The following MGAM2 variants were observed in gnomAD, a reference collection of about 807,000 sequenced individuals.
MGAM2 encodes the protein probable maltase-glucoamylase 2.
MGAM2 carries 98 observed loss-of-function variants against 96.1 expected under a neutral mutation model. That is an observed-to-expected ratio of 1.02 (90% CI 0.87 to 1.21). MGAM2 has a LOEUF of 1.21. Among genes scored for constraint, MGAM2 ranks in the 50% most tolerant of loss-of-function variants. The probability of loss-of-function intolerance (pLI) is 0.00; values close to 1 mark genes in which losing one functional copy is unlikely to be tolerated. For synonymous variants in MGAM2, 749 were observed against 414.8 expected, an observed-to-expected ratio of 1.81 and a Z score of -9.79; for missense variants, 2,055 against 1,182.4, an observed-to-expected ratio of 1.74 and a Z score of -10.82.
chr7:142,160,708 AACT>A (rs1222884092), intron 21 of MGAM2, among the ~76,000 whole-genome samples: 2 of 151,354 alleles, frequency 1.3e-5, no homozygotes, highest in African/African-American at 4.9e-5. Flanking sequence ...TACCTTGGGT[AACT>A]TACTTCTCTG....
At chr7:142,176,970 CT>C (rs1252837879) in intron 32 of MGAM2, among the ~76,000 whole-genome samples, 3 of 152,020 alleles carry the variant, frequency 2.0e-5, no homozygotes, top group African/African-American at 4.8e-5. Flanking sequence ...TTTTTAACAT[CT>C]TATTTATTTG....
At chr7:142,177,111 C>T (rs886667350) in intron 32 of MGAM2, among the ~76,000 whole-genome samples, 52 of 152,128 alleles carry the variant, frequency 3.4e-4, no homozygotes, top group Admixed American at 5.2e-4. Context: ...TCTGTTTTCA[C>T]GCTGCCAATA....
At chr7:142,114,108 G>T (rs796680136) in intron 1 of MGAM2, among the ~76,000 whole-genome samples, 21 of 147,944 alleles carry the variant, frequency 1.4e-4, no homozygotes, top group African/African-American at 5.3e-4. Flanking sequence ...TCCAGCCAGG[G>T]CAACAGAGCG....
chr7:142,170,904 C>T (rs939274626), intron 27 of MGAM2, among the ~76,000 whole-genome samples: 1 of 152,178 alleles, frequency 6.6e-6, no homozygotes, highest in African/African-American at 2.4e-5. Context: ...AGAAGTTGTT[C>T]TAAGAGTTTC....
intron 28 of MGAM2, among the ~76,000 whole-genome samples, chr7:142,171,851 T>C (rs1796206083): frequency 6.6e-6 from 1 of 151,446 alleles, no homozygotes; most frequent in Admixed American, 6.6e-5. Flanking sequence ...GAAATTGTGA[T>C]AGCACAGTGG....
At chr7:142,117,555 G>C (rs1817455591) in intron 2 of MGAM2, among the ~76,000 whole-genome samples, 1 of 152,096 alleles carries the variant, frequency 6.6e-6, no homozygotes, top group Non-Finnish European at 1.5e-5. Flanking sequence ...TTCAGTTAAA[G>C]CTGAATTTGG....
intron 33 of MGAM2, 32 bp from the exon 34 acceptor site, chr7:142,185,045 T>C (rs768641874): frequency 2.1e-5 from 15 of 702,482 alleles, no homozygotes; most frequent in South Asian, 7.4e-5. Flanking sequence ...CAAGGATCTG[T>C]AAAGGTTTTA....
intron 42 of MGAM2, 73 bp downstream of exon 42, chr7:142,197,801 T>G: frequency 1.4e-6 from 1 of 699,472 alleles, no homozygotes; most frequent in Non-Finnish European, 2.6e-6. Context: ...ATTTTAAAGA[T>G]CATCTTATTT....
chr7:142,196,468 C>T (rs891046626), intron 38 of MGAM2, 97 bp from the exon 39 acceptor site: 1 of 696,308 alleles, frequency 1.4e-6, no homozygotes, highest in Non-Finnish European at 2.6e-6. Flanking sequence ...CATCATGGTC[C>T]AGGGCTTTCT....
At chr7:142,133,912 G>A in intron 6 of MGAM2, 69 bp from the exon 7 acceptor site, 1 of 629,584 alleles carries the variant, frequency 1.6e-6, no homozygotes, top group Non-Finnish European at 2.9e-6. Context: ...GTGGAAAGGA[G>A]AAGATAGCTT....
At chr7:142,116,817 T>A (rs1817419730) in intron 1 of MGAM2, 57 bp from the exon 2 acceptor site, 1 of 701,980 alleles carries the variant, frequency 1.4e-6, no homozygotes, top group African/African-American at 1.7e-5. Flanking sequence ...TTATGTATCC[T>A]CTTAGATTGG....
At chr7:142,119,963 T>A (rs1325701482) in intron 2 of MGAM2, among the ~76,000 whole-genome samples, 1 of 152,216 alleles carries the variant, frequency 6.6e-6, no homozygotes, top group Non-Finnish European at 1.5e-5. Context: ...ATGAAATCGT[T>A]CTGGAATTCG....
intron 37 of MGAM2, among the ~76,000 whole-genome samples, chr7:142,193,162 C>T (rs1796925836): frequency 6.6e-6 from 1 of 152,086 alleles, no homozygotes; most frequent in African/African-American, 2.4e-5. Flanking sequence ...TCCCATACAC[C>T]TTGATGTTTC....
At chr7:142,196,518 TCCCAAA>T (rs777902851) in intron 38 of MGAM2, 41 bp from the exon 39 acceptor site, 52 of 707,070 alleles carry the variant, frequency 7.4e-5, no homozygotes, top group Admixed American at 1.8e-4. Context: ...TTCACTCTCC[TCCCAAA>T]GTGCTCCTTC....
chr7:142,220,978 C>A lies in MGAM2; in HGVS notation c.6467C>A (p.Thr2156Asn), dbSNP rs527809104. 5 of 701,940 alleles carry A rather than the reference C, an allele frequency of 7.1e-6. No homozygotes were observed. Among genetic ancestry groups the A allele is most frequent in the Non-Finnish European group, 1.3e-5 (5 of 384,700 alleles). 43.5% of individuals were successfully genotyped at this position (701,940 alleles called of 1,614,324 possible). ...AATACTACTAATGCTAGCACTAGTA[C>A]TAATGTTGCTAATATAACTGCTACC... ...QTNTTNASTSTNVANITATSH... is the reference protein window; with the variant it reads ...QTNTTNASTSNNVANITATSH... Residue 2156 changes from threonine (T) to asparagine (N), a missense_variant, in exon 48 of 48, where the codon ACT becomes AAT. Thr to Asn is a moderately conservative substitution (Grantham distance 65). Transcript: ENST00000477922.
chr7:142,204,082 TTCTC>T (rs1797324057), intron 45 of MGAM2, among the ~76,000 whole-genome samples: 1 of 152,038 alleles, frequency 6.6e-6, no homozygotes, highest in South Asian at 2.1e-4. Flanking sequence ...CTCTGTCTCT[TTCTC>T]TCATCTACTT....
intron 10 of MGAM2, among the ~76,000 whole-genome samples, 169 bp from the exon 11 acceptor site, chr7:142,140,633 T>G (rs1795192121): frequency 6.6e-6 from 1 of 152,176 alleles, no homozygotes; most frequent in Non-Finnish European, 1.5e-5. Flanking sequence ...ACAGCAATCA[T>G]GTCTTTCAAA....
intron 46 of MGAM2, among the ~76,000 whole-genome samples, chr7:142,213,709 A>G (rs889004810): frequency 2.3e-4 from 35 of 152,282 alleles, no homozygotes; most frequent in Admixed American, 5.2e-4. Flanking sequence ...ACAGCCCAGG[A>G]CCAGACAGAT....
intron 47 of MGAM2, among the ~76,000 whole-genome samples, chr7:142,219,660 T>G (rs897864095): frequency 2.0e-5 from 3 of 152,156 alleles, no homozygotes; most frequent in Non-Finnish European, 4.4e-5. Context: ...AAAGAAAAGA[T>G]TTCCAGCATA....
Sources: gnomAD v4.1 joint callset for allele counts (sites outside exome capture counted in the v4.1 genomes callset) on GRCh38, gnomAD v4.1.1 for gene constraint, MANE v1.5 for transcripts, NCBI Gene and HGNC (gene_info 2026-07-23, HGNC 2026-07-21) for gene names.